Variants in KANSL3 observed in about 807,000 individuals in gnomAD.
The protein encoded by KANSL3 is NSL complex protein NSL3.
Under a neutral mutation model 89.2 loss-of-function variants are expected in KANSL3, and 16 were observed. That is an observed-to-expected ratio of 0.18 (90% CI 0.12 to 0.27). The LOEUF is 0.27. Ranked by LOEUF, KANSL3 falls within the 10% of genes least tolerant of loss-of-function variation. The pLI, the probability that KANSL3 is intolerant of heterozygous loss-of-function variation, is 1.00. For missense variants in KANSL3, 879 were observed against 1,110.6 expected, an observed-to-expected ratio of 0.79 and a Z score of 2.96; for synonymous variants, 385 against 419.7, an observed-to-expected ratio of 0.92 and a Z score of 1.01.
At chr2:96,590,943 GC>G (rs1451471079), downstream of KANSL3, among the ~76,000 whole-genome samples, 1 of 152,080 alleles carries the variant, frequency 6.6e-6, no homozygotes, top group African/African-American at 2.4e-5. Context: ...CTGAGATCGT[GC>G]CACTGCACTC....
rs1040617484 is a variant in KANSL3, at chr2:96,606,902, T to C, written c.1742-1391A>G. On this transcript the variant is annotated intron_variant, in intron 14 of 20. Coordinates refer to ENST00000431828, the MANE Select transcript of KANSL3 (RefSeq NM_001115016.3). ...AACTGAGGCAGATGAGAGGCAGAGA[T>C]GGAAAATAAATAAGGGGTTGAGGAG... 18 of 842,978 alleles carry C rather than the reference T, an allele frequency of 2.1e-5. 1 individual carries two copies. The Admixed American group carries it at 2.8e-4, about 13-fold the overall frequency. The allele number at this position is 842,978 out of a possible 1,614,324, so 52.2% of individuals were successfully genotyped here.
intron 3 of KANSL3, 88 bp downstream of exon 3, chr2:96,631,224 T>C (rs1219063786): frequency 3.1e-6 from 3 of 956,564 alleles, no homozygotes; most frequent in East Asian, 2.5e-5. Context: ...TTGCTGCAAA[T>C]GAAATAAGGT....
intron 3 of KANSL3, chr2:96,627,772 C>T: frequency 2.1e-6 from 1 of 475,496 alleles, no homozygotes; most frequent in Non-Finnish European, 3.5e-6. Context: ...GAAAGAATGG[C>T]AACACGATGA....
intron 14 of KANSL3, chr2:96,605,796 T>G (rs1573352496): frequency 4.4e-6 from 1 of 225,888 alleles, no homozygotes; most frequent in East Asian, 9.2e-5. Context: ...TGGTAGGAAT[T>G]AAAAGACAGA....
chr2:96,616,468 C>T (rs1174425764), intron 5 of KANSL3, among the ~76,000 whole-genome samples: 1 of 152,218 alleles, frequency 6.6e-6, no homozygotes, highest in Admixed American at 6.5e-5. Flanking sequence ...AAGGTCTATA[C>T]CTTCTCTGCC....
intron 14 of KANSL3, chr2:96,606,905 AAAAT>A (rs1299628436): frequency 8.9e-6 from 8 of 897,104 alleles, no homozygotes; most frequent in Admixed American, 2.5e-5. Flanking sequence ...GCAGAGATGG[AAAAT>A]AAATAAGGGG....
chr2:96,608,904 G>T lies in KANSL3; in HGVS notation c.1544C>A (p.Ser515Tyr). The T allele has an allele frequency of 6.3e-7, 1 of 1,576,310 alleles. No individual in the cohort carries two copies. ...EVPERGSRPASPAAKLPASPS... is the reference protein window; with the variant it reads ...EVPERGSRPAYPAAKLPASPS... Reference sequence around the variant, plus strand: ...TGAGGCGGGCAGCTTGGCAGCTGGGGAGGCAGGTCGACTGCCCCGCTCAGG... The same window carrying T: ...TGAGGCGGGCAGCTTGGCAGCTGGGTAGGCAGGTCGACTGCCCCGCTCAGG... The change falls in exon 13 of 21, where the codon TCC (serine) becomes TAC (tyrosine). Residue 515 changes from serine (S) to tyrosine (Y), a missense_variant. Ser to Tyr is a moderately radical substitution (Grantham distance 144). Around this residue, in one of 6 missense-constraint regions of KANSL3, gnomAD observed 317 missense variants for 311.2 expected, o/e 1.02. Coordinates refer to ENST00000431828, the MANE Select transcript of KANSL3 (RefSeq NM_001115016.3).
intron 20 of KANSL3, among the ~76,000 whole-genome samples, chr2:96,597,637 C>T (rs549750011): frequency 1.3e-5 from 2 of 152,136 alleles, no homozygotes; most frequent in African/African-American, 4.8e-5. Context: ...GAGTCTGGCT[C>T]TGTTGCCCAG....
intron 20 of KANSL3, among the ~76,000 whole-genome samples, chr2:96,596,856 GGAGA>G (rs1184065705): frequency 6.6e-6 from 1 of 152,230 alleles, no homozygotes; most frequent in Non-Finnish European, 1.5e-5. Flanking sequence ...AGGACAGAGA[GGAGA>G]GAGAACTTAT....
At chr2:96,633,065 G>C (rs138045200) in intron 2 of KANSL3, among the ~76,000 whole-genome samples, 331 of 151,190 alleles carry the variant, frequency 2.2e-3, no homozygotes, top group Admixed American at 4.1e-3. Context: ...CAGAACACTT[G>C]AGCCCACAAG....
chr2:96,621,183 G>A (rs2071197135), intron 3 of KANSL3, among the ~76,000 whole-genome samples: 1 of 151,932 alleles, frequency 6.6e-6, no homozygotes, highest in African/African-American at 2.4e-5. Context: ...AATTTCAGAT[G>A]GAAGAAAAAG....
chr2:96,625,417 A>T (rs2105976130), intron 3 of KANSL3, among the ~76,000 whole-genome samples: 1 of 152,374 alleles, frequency 6.6e-6, no homozygotes, highest in East Asian at 1.9e-4. Context: ...AAGCCTATTG[A>T]TCACGTTGCA....
the KANSL3 span, among the ~76,000 whole-genome samples, chr2:96,584,087 T>C: frequency 6.6e-6 from 1 of 152,244 alleles, no homozygotes; most frequent in Admixed American, 6.5e-5. Flanking sequence ...CTTTTATGTA[T>C]TCTGGTTATA....
At chr2:96,619,968 C>T (rs1192156701) in intron 3 of KANSL3, among the ~76,000 whole-genome samples, 3 of 152,188 alleles carry the variant, frequency 2.0e-5, no homozygotes, top group Non-Finnish European at 2.9e-5. Flanking sequence ...TCACAGCACA[C>T]ACTTGTATTA....
chr2:96,588,957 CAA>C (rs1573220554), downstream of KANSL3, among the ~76,000 whole-genome samples: 1 of 152,092 alleles, frequency 6.6e-6, no homozygotes, highest in African/African-American at 2.4e-5. Flanking sequence ...ACGTGGTTCT[CAA>C]AGTACATAGA....
intron 3 of KANSL3, among the ~76,000 whole-genome samples, chr2:96,625,514 T>C (rs998392058): frequency 6.6e-6 from 1 of 152,238 alleles, no homozygotes; most frequent in Admixed American, 6.5e-5. Flanking sequence ...TTTTATTACA[T>C]AATGATGCTT....
At chr2:96,605,005 A>G in intron 15 of KANSL3, 142 bp from the exon 16 acceptor site, 3 of 668,260 alleles carry the variant, frequency 4.5e-6, no homozygotes, top group Non-Finnish European at 7.6e-6. Context: ...GAGTAGGGAG[A>G]GTTGGGGTTA....
Position 96,602,221 on chromosome 2 carries a change from G to A in KANSL3, c.2377C>T (p.Pro793Ser). The A allele has an allele frequency of 6.2e-7, 1 of 1,610,448 alleles. No homozygotes were observed. Among genetic ancestry groups the A allele is most frequent in the Middle Eastern group, 1.7e-4 (1 of 6,052 alleles). The change falls in exon 19 of 21, where the codon CCT becomes TCT. Residue 793 changes from proline to serine, a missense_variant. By Grantham distance (74) the Pro-to-Ser change is moderately conservative. Transcript: ENST00000431828. The part of the protein sequence containing the change: ...ATTLSSLGAT[P>S]GGKPTAIHQL... ...TGGATGGCTGTGGGCTTCCCACCAGGAGTGGCACCCAAGGAGGAGAGAGTG... is the reference window on the plus strand; with the variant it reads ...TGGATGGCTGTGGGCTTCCCACCAGAAGTGGCACCCAAGGAGGAGAGAGTG...
chr2:96,637,743 C>G (rs1215271383), intron 1 of KANSL3, among the ~76,000 whole-genome samples: 1 of 152,224 alleles, frequency 6.6e-6, no homozygotes, highest in Non-Finnish European at 1.5e-5. Flanking sequence ...CTGTTAAGTA[C>G]TTCGTAATAT....
Sources: gnomAD v4.1 joint callset for allele counts (sites outside exome capture counted in the v4.1 genomes callset) on GRCh38, gnomAD v4.1.1 for gene constraint, gnomAD v4.1.1 regional missense constraint, MANE v1.5 for transcripts, NCBI Gene and HGNC (gene_info 2026-07-23, HGNC 2026-07-21) for gene names.